The following DNAH5 variants were observed in gnomAD, a reference collection of about 807,000 sequenced individuals.
The protein encoded by DNAH5 is axonemal beta dynein heavy chain 5.
A neutral mutation model predicts 518.2 loss-of-function variants in DNAH5; 372 were observed. The observed-to-expected ratio is 0.72, with a 90% CI of 0.66 to 0.78. DNAH5 has a LOEUF of 0.78. Ranked by LOEUF, DNAH5 falls within the 30% of genes least tolerant of loss-of-function variation. The pLI, the probability that DNAH5 is intolerant of heterozygous loss-of-function variation, is 0.00. For missense variants in DNAH5, 5,523 were observed against 5,687.0 expected, an observed-to-expected ratio of 0.97 and a Z score of 0.93; for synonymous variants, 2,039 against 2,025.9, an observed-to-expected ratio of 1.01 and a Z score of -0.17.
chr5:13,730,409 G>A (rs4701587), intron 68 of DNAH5, among the ~76,000 whole-genome samples: 83,612 of 151,998 alleles, frequency 0.55, 23,301 homozygotes, highest in Non-Finnish European at 0.58. Flanking sequence ...GAATATCAAG[G>A]AAAATATGCT....
chr5:13,810,701 C>T (rs1421387593), intron 44 of DNAH5, among the ~76,000 whole-genome samples: 1 of 151,690 alleles, frequency 6.6e-6, no homozygotes, highest in African/African-American at 2.4e-5. Flanking sequence ...TTGCAGTGAG[C>T]CAAGATGGCG....
intron 52 of DNAH5, among the ~76,000 whole-genome samples, chr5:13,781,959 C>G (rs1755213002): frequency 6.6e-6 from 1 of 152,140 alleles, no homozygotes; most frequent in African/African-American, 2.4e-5. Context: ...TATTCCACAG[C>G]CCCCTTGTGG....
At position 13,753,115 on chromosome 5, in the gene DNAH5, T is replaced by C. The variant is rs1352421394; in HGVS notation, c.10872+118A>G. On this transcript the variant is annotated intron_variant, in intron 63 of 78. Transcript: ENST00000265104. ...TTTAAGCTTGCATCTGCTACTGCTC[T>C]ACCTAGGATTACAAAAACATCTCTA... 4.1e-6 allele frequency: 3 copies of C among 731,004 alleles called. No individual in the cohort carries two copies. In the African/African-American group the frequency reaches 5.3e-5, roughly 13 times the overall value. The allele number at this position is 731,004 out of a possible 1,614,324, so 45.3% of individuals were successfully genotyped here. A position where few individuals can be genotyped will look rare whatever the true frequency, so the allele number is the denominator to read the frequency against.
Position 13,900,228 on chromosome 5 carries a change from T to C in DNAH5, c.2237A>G (p.Lys746Arg). The C allele has an allele frequency of 6.2e-7, 1 of 1,614,032 alleles. No homozygotes were observed. The highest frequency in any genetic ancestry group is 8.5e-7 in the Non-Finnish European group (1 of 1,179,868). ...TSLFQKRDRY[K>R]RNFSNMKMML... ...TACCTTCATGTTACTGAAGTTCCTT[T>C]TGTATCTATCTCGTTTCTGGAAGAG... The change falls in exon 15 of 79, where the codon AAA becomes AGA. Residue 746 changes from lysine to arginine, a missense_variant. Coordinates refer to ENST00000265104, the MANE Select transcript of DNAH5 (RefSeq NM_001369.3).
At chr5:13,825,031 G>C (rs1019800471) in intron 38 of DNAH5, among the ~76,000 whole-genome samples, 3 of 152,032 alleles carry the variant, frequency 2.0e-5, no homozygotes, top group Admixed American at 6.6e-5. Context: ...CCCAATTCTG[G>C]GTATATAGCC....
chr5:13,776,205 T>G (rs767801160), intron 55 of DNAH5, among the ~76,000 whole-genome samples: 3 of 152,172 alleles, frequency 2.0e-5, no homozygotes, highest in Non-Finnish European at 4.4e-5. Context: ...ATTCTCAGCA[T>G]TGCAGCCTTG....
At chr5:13,861,781 A>T (rs549086653) in intron 29 of DNAH5, among the ~76,000 whole-genome samples, 26 of 152,056 alleles carry the variant, frequency 1.7e-4, no homozygotes, top group Middle Eastern at 3.4e-3. Flanking sequence ...ACATGGTGAA[A>T]CCCTGTCTCT....
chr5:13,755,143 T>C (rs1750811392), intron 61 of DNAH5, among the ~76,000 whole-genome samples: 1 of 152,168 alleles, frequency 6.6e-6, no homozygotes, highest in East Asian at 1.9e-4. Context: ...AAAAAACAAA[T>C]GGCTCTGTTT....
At chr5:13,743,124 A>G (rs1340551921) in intron 65 of DNAH5, among the ~76,000 whole-genome samples, 1 of 152,064 alleles carries the variant, frequency 6.6e-6, no homozygotes, top group Non-Finnish European at 1.5e-5. Context: ...AATCACAATA[A>G]TTTTATCCAT....
chr5:13,985,266 C>T (rs1269921140), intron 1 of DNAH5, among the ~76,000 whole-genome samples: 2 of 114,386 alleles, frequency 1.7e-5, no homozygotes, highest in East Asian at 4.3e-4. Flanking sequence ...CATCACACAC[C>T]GGGGCCTGTT....
intron 78 of DNAH5, among the ~76,000 whole-genome samples, chr5:13,693,319 G>C (rs957851537): frequency 6.6e-6 from 1 of 152,160 alleles, no homozygotes; most frequent in Non-Finnish European, 1.5e-5. Flanking sequence ...TCTCAAAACT[G>C]ACATGCTCAA....
chr5:13,926,382 C>G (rs1255102286), intron 3 of DNAH5, among the ~76,000 whole-genome samples: 1 of 152,188 alleles, frequency 6.6e-6, no homozygotes. Flanking sequence ...CCCCTCTTCC[C>G]TCTTACCTCT....
At chr5:13,910,784 C>A (rs910184917) in intron 12 of DNAH5, among the ~76,000 whole-genome samples, 2 of 152,208 alleles carry the variant, frequency 1.3e-5, no homozygotes, top group African/African-American at 4.8e-5. Context: ...AGCCCAACCC[C>A]TTCCTCGGGA....
At chr5:13,810,483 G>A (rs1407179439) in intron 44 of DNAH5, 3 of 554,184 alleles carry the variant, frequency 5.4e-6, no homozygotes, top group South Asian at 2.1e-5. Context: ...GCTCATGCCT[G>A]TACTCCCACC....
chr5:13,992,025 C>G (rs2152075519), intron 1 of DNAH5, among the ~76,000 whole-genome samples: 1 of 152,294 alleles, frequency 6.6e-6, no homozygotes, highest in African/African-American at 2.4e-5. Context: ...TGGTACTAGA[C>G]AAGAGATGAA....
chr5:13,973,094 A>G (rs983207071), intron 1 of DNAH5, among the ~76,000 whole-genome samples: 3 of 152,356 alleles, frequency 2.0e-5, no homozygotes, highest in African/African-American at 4.8e-5. Context: ...GGTGGGCCCA[A>G]TGTAATCACA....
chr5:13,724,132 AC>A (rs1409713467), intron 70 of DNAH5, among the ~76,000 whole-genome samples: 1 of 152,150 alleles, frequency 6.6e-6, no homozygotes, highest in African/African-American at 2.4e-5. Flanking sequence ...TCAACCCAAC[AC>A]CCTGCATTAT....
At chr5:13,737,831 G>A (rs1476396023) in intron 65 of DNAH5, among the ~76,000 whole-genome samples, 2 of 152,162 alleles carry the variant, frequency 1.3e-5, no homozygotes, top group Non-Finnish European at 1.5e-5. Context: ...GGAGGCAGAG[G>A]CGGGTGGATC....
chr5:13,993,167 C>G (rs1783679351), intron 1 of DNAH5, among the ~76,000 whole-genome samples: 1 of 152,184 alleles, frequency 6.6e-6, no homozygotes, highest in South Asian at 2.1e-4. Flanking sequence ...GCTTAGCTTT[C>G]CAATGGAGAA....
Sources: allele counts gnomAD v4.1 joint callset (sites outside exome capture counted in the v4.1 genomes callset), GRCh38; gene constraint gnomAD v4.1.1; transcripts MANE v1.5; gene names NCBI Gene and HGNC (gene_info 2026-07-23, HGNC 2026-07-21).